The following XKR6 variants were observed in gnomAD, a reference collection of about 807,000 sequenced individuals.
The protein encoded by XKR6 is XK related 6, also known as XK-related protein 6.
A neutral mutation model predicts 56.7 loss-of-function variants in XKR6; 22 were observed. That is an observed-to-expected ratio of 0.39 (90% CI 0.28 to 0.55). The LOEUF (loss-of-function observed/expected upper bound fraction) is 0.55. Ranked by LOEUF, XKR6 falls within the 20% of genes least tolerant of loss-of-function variation. XKR6 has a pLI of 0.66. For missense variants in XKR6, 852 were observed against 889.0 expected (o/e 0.96, Z 0.53); for synonymous variants, 524 against 387.8 (o/e 1.35, Z -4.13).
intron 1 of XKR6, among the ~76,000 whole-genome samples, chr8:10,935,387 G>A (rs1302636969): frequency 1.3e-4 from 16 of 121,726 alleles, no homozygotes; most frequent in South Asian, 2.6e-4. Flanking sequence ...GGTTTTTTGT[G>A]TCTCTATTTC....
chr8:11,044,811 G>A (rs1037235312), intron 1 of XKR6, among the ~76,000 whole-genome samples: 2 of 151,840 alleles, frequency 1.3e-5, no homozygotes, highest in African/African-American at 4.8e-5. Flanking sequence ...GTAGAGACGG[G>A]GTTTCACCAT....
intron 1 of XKR6, among the ~76,000 whole-genome samples, chr8:11,153,907 G>A (rs1003512471): frequency 1.3e-5 from 2 of 152,118 alleles, no homozygotes; most frequent in Admixed American, 6.5e-5. Context: ...GGGGTGAAAC[G>A]AATATTCCCT....
intron 1 of XKR6, among the ~76,000 whole-genome samples, chr8:10,972,168 C>T (rs1222306303): frequency 6.6e-6 from 1 of 152,096 alleles, no homozygotes; most frequent in Admixed American, 6.5e-5. Context: ...GCTGGGGCCT[C>T]GGGGTGACCT....
intron 1 of XKR6, among the ~76,000 whole-genome samples, chr8:11,067,364 C>T (rs537408889): frequency 1.3e-5 from 2 of 152,332 alleles, no homozygotes; most frequent in Non-Finnish European, 2.9e-5. Context: ...GGCAGAGCCC[C>T]CCACCCGGGT....
chr8:11,194,491 G>C (rs1365417113), intron 1 of XKR6: 1 of 152,154 alleles, frequency 6.6e-6, no homozygotes, highest in Non-Finnish European at 1.5e-5. Flanking sequence ...TACTTTTTAA[G>C]AGGCAAATAA....
intron 1 of XKR6, among the ~76,000 whole-genome samples, chr8:11,115,550 T>C (rs1033592070): frequency 6.6e-6 from 1 of 152,228 alleles, no homozygotes; most frequent in African/African-American, 2.4e-5. Context: ...TAGTCTACAC[T>C]AACATTATCG....
At chr8:11,076,411 A>C (rs1027952729) in intron 1 of XKR6, among the ~76,000 whole-genome samples, 2 of 152,116 alleles carry the variant, frequency 1.3e-5, no homozygotes, top group Non-Finnish European at 2.9e-5. Context: ...TACGATCGTG[A>C]CTTGAATCCA....
intron 1 of XKR6, among the ~76,000 whole-genome samples, chr8:10,978,829 T>C (rs1196536568): frequency 6.6e-6 from 1 of 152,228 alleles, no homozygotes; most frequent in African/African-American, 2.4e-5. Context: ...TTCTTCTCCC[T>C]TGGAAACTTC....
intron 1 of XKR6, among the ~76,000 whole-genome samples, chr8:10,991,159 C>A (rs1265327756): frequency 6.6e-6 from 1 of 152,138 alleles, no homozygotes; most frequent in Non-Finnish European, 1.5e-5. Context: ...CTGTCTCAGC[C>A]TCCCAAAGTG....
chr8:11,097,749 G>A, intron 1 of XKR6, among the ~76,000 whole-genome samples: 1 of 143,388 alleles, frequency 7.0e-6, no homozygotes, highest in Middle Eastern at 3.5e-3. Flanking sequence ...GGAGGCTGCA[G>A]TGAGCCAAGA....
chr8:10,911,470 T>C (rs1800362725), intron 2 of XKR6, among the ~76,000 whole-genome samples: 1 of 146,058 alleles, frequency 6.8e-6, no homozygotes, highest in African/African-American at 2.5e-5. Context: ...AGAGAATATG[T>C]ATGTGTATAT....
chr8:11,026,033 A>T (rs35850128), intron 1 of XKR6, among the ~76,000 whole-genome samples: 40,505 of 152,170 alleles, frequency 0.27, 5,750 homozygotes, highest in African/African-American at 0.33. Context: ...TATCTTATAC[A>T]GTCATGCACC....
intron 1 of XKR6, among the ~76,000 whole-genome samples, chr8:11,039,087 A>G (rs1286315477): frequency 6.6e-6 from 1 of 152,140 alleles, no homozygotes; most frequent in Non-Finnish European, 1.5e-5. Context: ...GGGAGACCTC[A>G]GGGGACTTTG....
intron 1 of XKR6, among the ~76,000 whole-genome samples, chr8:10,972,959 CT>C (rs1802451416): frequency 6.6e-6 from 1 of 152,204 alleles, no homozygotes. Flanking sequence ...CCTGGCCTGC[CT>C]CTGGGAGGAC....
intron 1 of XKR6, among the ~76,000 whole-genome samples, chr8:11,029,187 A>T (rs1798936936): frequency 6.6e-6 from 1 of 151,938 alleles, no homozygotes; most frequent in Non-Finnish European, 1.5e-5. Context: ...CTTCACTCTC[A>T]TAGTCCCAAT....
Position 11,118,859 on chromosome 8 carries a change from T to C in XKR6, c.764+81717A>G, listed in dbSNP as rs1047405197. 3.3e-5 allele frequency among the ~76,000 whole-genome samples: 5 copies of C among 152,352 alleles called. No homozygotes were observed. In the East Asian group the frequency reaches 5.8e-4, roughly 18 times the overall value. On this transcript the variant is annotated intron_variant, in intron 1 of 2. Coordinates refer to ENST00000416569, the MANE Select transcript of XKR6 (RefSeq NM_173683.4). ...TTCTTGCCTTCTGTTAGCTTTTGAA[T>C]GTGTTTGCTCTTGCTTCTCTAGATC...
At chr8:10,953,292 G>A (rs1036770645) in intron 1 of XKR6, among the ~76,000 whole-genome samples, 2 of 152,126 alleles carry the variant, frequency 1.3e-5, no homozygotes, top group South Asian at 2.1e-4. Flanking sequence ...TGCTCTCCTC[G>A]AGAGAGTGAG....
At position 10,896,690 on chromosome 8, in the gene XKR6, G is replaced by C. The variant is rs903312570; in HGVS notation, c.*1262C>G. The C allele has an allele frequency of 6.6e-6, 1 of 151,996 alleles. No homozygotes were observed. The highest frequency in any genetic ancestry group is 2.4e-5 in the African/African-American group (1 of 41,234). 9.4% of individuals were successfully genotyped at this position (151,996 alleles called of 1,614,324 possible). On this transcript the variant is annotated 3_prime_UTR_variant, in exon 3 of 3. Transcript: ENST00000416569. ...AGAAGCACCAAACAGTCTTTGAAATGGGTCAGTTATTACAATTTTGACTTT... is the reference window on the plus strand; with the variant it reads ...AGAAGCACCAAACAGTCTTTGAAATCGGTCAGTTATTACAATTTTGACTTT...
chr8:11,100,604 C>G (rs995239612), intron 1 of XKR6, among the ~76,000 whole-genome samples: 7 of 152,222 alleles, frequency 4.6e-5, no homozygotes, highest in East Asian at 1.9e-4. Flanking sequence ...GTGCTTTCCC[C>G]TACAACTAAG....
Sources: gnomAD v4.1 joint callset for allele counts (sites outside exome capture counted in the v4.1 genomes callset) on GRCh38, gnomAD v4.1.1 for gene constraint, MANE v1.5 for transcripts, NCBI Gene and HGNC (gene_info 2026-07-23, HGNC 2026-07-21) for gene names.